The following CEP120 variants were observed in gnomAD, a reference collection of about 807,000 sequenced individuals.
The protein encoded by CEP120 is centrosomal protein 120, also known as centrosomal protein of 120 kDa.
CEP120 carries 113 observed loss-of-function variants against 126.5 expected under a neutral mutation model. That is an observed-to-expected ratio of 0.89 (90% CI 0.77 to 1.04). The LOEUF is 1.04. Among genes scored for constraint, CEP120 ranks in the 50% least tolerant of loss-of-function variants. The pLI is 0.00. For missense variants in CEP120, 1,230 were observed against 1,155.7 expected (o/e 1.06, Z -0.93); for synonymous variants, 400 against 394.3 (o/e 1.01, Z -0.17).
At chr5:123,367,728 G>C (rs997614360) in intron 17 of CEP120, among the ~76,000 whole-genome samples, 1 of 151,884 alleles carries the variant, frequency 6.6e-6, no homozygotes, top group African/African-American at 2.4e-5. Flanking sequence ...AATTACAGTT[G>C]CTAAAACTAT....
At chr5:123,377,067 G>A (rs889609441) in intron 16 of CEP120, among the ~76,000 whole-genome samples, 42 of 152,100 alleles carry the variant, frequency 2.8e-4, no homozygotes, top group African/African-American at 9.7e-4. Flanking sequence ...ATGAAATTTG[G>A]ATCTTAACTA....
chr5:123,422,942 C>T lies in CEP120; in HGVS notation c.49+8G>A, dbSNP rs781507601. 1 of 1,613,822 alleles carries T rather than the reference C, an allele frequency of 6.2e-7. No homozygotes were observed. Among genetic ancestry groups the T allele is most frequent in the South Asian group, 1.1e-5 (1 of 91,080 alleles). ...AGCAGTTGCAAAAGCAAGCCTCAGG[C>T]TGCTCACCTTCTAGGATGGACACGA... is the stretch of plus-strand genomic sequence containing the variant. On this transcript the variant is annotated splice_region_variant and intron_variant, in intron 1 of 19. Coordinates refer to ENST00000306467, the MANE Select transcript of CEP120 (RefSeq NM_001375405.1).
Position 123,360,685 on chromosome 5 carries a change from T to G in CEP120, c.2580+3811A>C, listed in dbSNP as rs372401129. On this transcript the variant is annotated intron_variant, in intron 18 of 19. Transcript: ENST00000306467. ...GGTAGGAAATACAAAAGAAGAAGGT[T>G]AAATAGAAAATGGATTAAATGGAAA... Among the ~76,000 whole-genome samples, 13 of 75,802 alleles carry G rather than the reference T, an allele frequency of 1.7e-4. No individual in the cohort carries two copies. The East Asian group carries it at 2.4e-3, about 14-fold the overall frequency. 49.7% of individuals were successfully genotyped at this position (75,802 alleles called of 152,430 possible).
At chr5:123,366,842 G>A (rs1350279440) in intron 17 of CEP120, among the ~76,000 whole-genome samples, 1 of 151,760 alleles carries the variant, frequency 6.6e-6, no homozygotes, top group Non-Finnish European at 1.5e-5. Context: ...CCAAAATACA[G>A]TATCTGTCCT....
intron 4 of CEP120, among the ~76,000 whole-genome samples, chr5:123,408,571 G>A (rs1387741918): frequency 6.6e-6 from 1 of 152,020 alleles, no homozygotes; most frequent in Non-Finnish European, 1.5e-5. Context: ...TCATACAAGA[G>A]TAAATAGACA....
rs139962490 is a variant in CEP120 at position 123,420,103 on chromosome 5, A to T, written c.50-1588T>A. Among the ~76,000 whole-genome samples, 389 of 152,324 alleles carry T rather than the reference A, an allele frequency of 2.6e-3. 4 individuals are homozygous for T. The highest frequency in any genetic ancestry group is 8.8e-3 in the African/African-American group (367 of 41,560). On this transcript the variant is annotated intron_variant, in intron 1 of 19. Coordinates refer to ENST00000306467, the MANE Select transcript of CEP120 (RefSeq NM_001375405.1). ...GCTCTCATTGAAACTCTGTATTAGG[A>T]GTATTAACACACATCGCACAGCTCT...
chr5:123,408,623 A>G, intron 4 of CEP120, among the ~76,000 whole-genome samples: 1 of 152,250 alleles, frequency 6.6e-6, no homozygotes, highest in Non-Finnish European at 1.5e-5. Flanking sequence ...TTGAGTCAAT[A>G]ATCAATAACC....
intron 14 of CEP120, among the ~76,000 whole-genome samples, chr5:123,378,739 C>T (rs891285975): frequency 2.0e-5 from 3 of 151,962 alleles, no homozygotes; most frequent in Non-Finnish European, 4.4e-5. Context: ...AGGATGGAAA[C>T]AAAAGACTGC....
chr5:123,361,031 A>ATAAT (rs3064335), intron 18 of CEP120, among the ~76,000 whole-genome samples: 107,771 of 150,882 alleles, frequency 0.71, 38,614 homozygotes, highest in African/African-American at 0.75. Flanking sequence ...CATTGTTTCA[A>ATAAT]TAATTAATGA....
In CEP120 at chr5:123,423,020, G is replaced by A. The variant is rs772224185; in HGVS notation, c.-22C>T. 27 of 1,611,304 alleles carry A rather than the reference G, an allele frequency of 1.7e-5. No individual in the cohort carries two copies. The highest frequency in any genetic ancestry group is 1.7e-4 in the Middle Eastern group (1 of 6,048). ...CCATGGTTGCGGTGAGCGGTCCGGGGGCGAAGGCGGCTGGGGGGAAGTGAG... is the reference window on the plus strand; with the variant it reads ...CCATGGTTGCGGTGAGCGGTCCGGGAGCGAAGGCGGCTGGGGGGAAGTGAG... On this transcript the variant is annotated 5_prime_UTR_variant, in exon 1 of 20. Coordinates refer to ENST00000306467, the MANE Select transcript of CEP120 (RefSeq NM_001375405.1).
At chr5:123,422,471 T>A (rs530287175) in intron 1 of CEP120, 5 of 1,527,816 alleles carry the variant, frequency 3.3e-6, no homozygotes, top group South Asian at 2.4e-5. Context: ...ACACACCTTT[T>A]AAGGAATGTA....
chr5:123,365,836 T>A (rs1482250694), intron 17 of CEP120, among the ~76,000 whole-genome samples: 1 of 151,342 alleles, frequency 6.6e-6, no homozygotes, highest in African/African-American at 2.4e-5. Context: ...AGCAATCATG[T>A]CCATGGGTCT....
chr5:123,384,823 G>A, intron 11 of CEP120, 128 bp downstream of exon 11: 1 of 747,518 alleles, frequency 1.3e-6, no homozygotes. Context: ...AGAAAAAGGA[G>A]GTTATGAAAG....
At chr5:123,395,647 C>T (rs1375788827) in intron 5 of CEP120, among the ~76,000 whole-genome samples, 1 of 150,436 alleles carries the variant, frequency 6.6e-6, no homozygotes, top group East Asian at 1.9e-4. Flanking sequence ...TTCCACCATT[C>T]CTTTATGTTG....
chr5:123,365,253 A>C (rs763709207), intron 17 of CEP120, among the ~76,000 whole-genome samples: 1 of 151,710 alleles, frequency 6.6e-6, no homozygotes, highest in African/African-American at 2.4e-5. Flanking sequence ...AAAGTGATTC[A>C]ATTAAAAAAT....
At chr5:123,351,918 C>T (rs947222233) in intron 18 of CEP120, among the ~76,000 whole-genome samples, 9 of 152,074 alleles carry the variant, frequency 5.9e-5, no homozygotes, top group Admixed American at 2.0e-4. Flanking sequence ...CTTATCAATT[C>T]ATACTTCCAC....
chr5:123,423,620 G>A (rs1774870527), upstream of CEP120: 1 of 152,094 alleles, frequency 6.6e-6, no homozygotes, highest in Admixed American at 6.5e-5. Flanking sequence ...TAGCCTTTAA[G>A]GAGCGTGAGT....
intron 1 of CEP120, among the ~76,000 whole-genome samples, chr5:123,421,331 G>C (rs577084510): frequency 2.6e-5 from 4 of 152,266 alleles, no homozygotes; most frequent in Admixed American, 6.5e-5. Context: ...AAGCTGGTCA[G>C]AAAGACCTTG....
chr5:123,389,398 A>G (rs1191351931), intron 8 of CEP120, among the ~76,000 whole-genome samples: 1 of 152,224 alleles, frequency 6.6e-6, no homozygotes, highest in Non-Finnish European at 1.5e-5. Context: ...TTTCCAGTGT[A>G]CAAGTAAAAT....
Sources: allele counts gnomAD v4.1 joint callset (sites outside exome capture counted in the v4.1 genomes callset), GRCh38; gene constraint gnomAD v4.1.1; transcripts MANE v1.5; gene names NCBI Gene and HGNC (gene_info 2026-07-23, HGNC 2026-07-21).